CFAP210: variants seen among roughly 807,000 people sequenced by gnomAD.
CFAP210 encodes cilia- and flagella- associated protein 210.
the CFAP210 span, among the ~76,000 whole-genome samples, chr2:169,653,029 AAT>A: frequency 0.041 from 1,618 of 39,856 alleles, 46 homozygotes; most frequent in Middle Eastern, 0.083. Context: ...AAAAAAAAAA[AAT>A]ATATATATAT....
the CFAP210 span, among the ~76,000 whole-genome samples, chr2:169,692,440 GCACGCA>G: frequency 2.2e-5 from 2 of 92,120 alleles, no homozygotes; most frequent in South Asian, 3.8e-4. Flanking sequence ...GGCAACAGGC[GCACGCA>G]CACACACACA....
the CFAP210 span, chr2:169,659,267 TATG>T: frequency 6.6e-6 from 1 of 152,254 alleles, no homozygotes; most frequent in Non-Finnish European, 1.5e-5. Flanking sequence ...CATAGAGTCT[TATG>T]ATACCTACTG....
the CFAP210 span, among the ~76,000 whole-genome samples, chr2:169,686,606 G>A: frequency 6.6e-6 from 1 of 152,172 alleles, no homozygotes; most frequent in Non-Finnish European, 1.5e-5. Flanking sequence ...GGCTGAGGAT[G>A]CTAGCTCAGA....
At chr2:169,692,222 T>G in the CFAP210 span, among the ~76,000 whole-genome samples, 4 of 152,170 alleles carry the variant, frequency 2.6e-5, no homozygotes, top group Admixed American at 2.6e-4. Context: ...CAGCTTGTTG[T>G]TTGCCTCCCA....
the CFAP210 span, chr2:169,648,162 C>CAAAA: frequency 8.8e-5 from 9 of 101,736 alleles, no homozygotes; most frequent in East Asian, 3.4e-4. Flanking sequence ...AACTCTGTCT[C>CAAAA]AAAAAAAAAA....
chr2:169,680,801 A>G, the CFAP210 span, among the ~76,000 whole-genome samples: 13 of 152,216 alleles, frequency 8.5e-5, no homozygotes, highest in African/African-American at 3.1e-4. Flanking sequence ...GGGTTTATAC[A>G]TATGTCAAAA....
the CFAP210 span, among the ~76,000 whole-genome samples, chr2:169,687,678 G>C: frequency 6.6e-6 from 1 of 152,204 alleles, no homozygotes; most frequent in Admixed American, 6.5e-5. Context: ...GGCATTGAGT[G>C]TCTGCGGCTT....
the CFAP210 span, among the ~76,000 whole-genome samples, chr2:169,650,687 A>C: frequency 6.6e-6 from 1 of 152,050 alleles, no homozygotes; most frequent in Non-Finnish European, 1.5e-5. Flanking sequence ...TTTTTTAACT[A>C]TAAAGTAACA....
the CFAP210 span, among the ~76,000 whole-genome samples, chr2:169,679,261 C>T: frequency 4.6e-5 from 7 of 152,136 alleles, no homozygotes; most frequent in South Asian, 4.1e-4. Context: ...AGGCTACATG[C>T]GCAGGTTTGT....
the CFAP210 span, chr2:169,694,395 A>T: frequency 6.8e-7 from 1 of 1,480,788 alleles, no homozygotes; most frequent in South Asian, 1.1e-5. Context: ...TGGAGTTGTT[A>T]CTCGTACCAC....
At chr2:169,656,964 C>CAAAAAA in the CFAP210 span, among the ~76,000 whole-genome samples, 56 of 39,738 alleles carry the variant, frequency 1.4e-3, 1 homozygote, top group East Asian at 2.7e-3. Context: ...GACTCCATCT[C>CAAAAAA]AAAAAAAAAA....
the CFAP210 span, chr2:169,646,281 CTCAT>C: frequency 1.2e-6 from 1 of 819,802 alleles, no homozygotes; most frequent in Non-Finnish European, 2.0e-6. Flanking sequence ...ATTTTCTAAA[CTCAT>C]TGATACTTTA....
the CFAP210 span, among the ~76,000 whole-genome samples, chr2:169,653,633 G>A: frequency 6.6e-6 from 1 of 152,078 alleles, no homozygotes; most frequent in Non-Finnish European, 1.5e-5. Context: ...TAATACTGAT[G>A]ACTGCTCCCT....
the CFAP210 span, among the ~76,000 whole-genome samples, chr2:169,662,620 A>G: frequency 6.6e-6 from 1 of 152,232 alleles, no homozygotes; most frequent in Non-Finnish European, 1.5e-5. Context: ...TGGTTAACCT[A>G]GAATTGGCAA....
At chr2:169,672,023 T>C in the CFAP210 span, among the ~76,000 whole-genome samples, 1 of 152,258 alleles carries the variant, frequency 6.6e-6, no homozygotes, top group Non-Finnish European at 1.5e-5. Flanking sequence ...ATACCAGTGC[T>C]ACTATTCCAT....
the CFAP210 span, among the ~76,000 whole-genome samples, chr2:169,693,504 G>A: frequency 4.6e-5 from 7 of 152,220 alleles, no homozygotes; most frequent in African/African-American, 1.7e-4. Flanking sequence ...GGTGCAGGGG[G>A]CACTATTGCT....
chr2:169,645,627 T>G, the CFAP210 span: 1 of 507,188 alleles, frequency 2.0e-6, no homozygotes, highest in Non-Finnish European at 3.5e-6. Context: ...TGAATGTACA[T>G]TTAAAAAGTA....
the CFAP210 span, among the ~76,000 whole-genome samples, chr2:169,693,594 T>C: frequency 6.6e-6 from 1 of 152,266 alleles, no homozygotes; most frequent in Non-Finnish European, 1.5e-5. Flanking sequence ...TAATTGCTAA[T>C]TTACAGACGT....
chr2:169,689,092 C>G, the CFAP210 span, among the ~76,000 whole-genome samples: 2 of 152,074 alleles, frequency 1.3e-5, no homozygotes, highest in East Asian at 3.9e-4. Flanking sequence ...CCTGATAAAC[C>G]CATTGATCTC....
Sources: gnomAD v4.1 joint callset for allele counts (sites outside exome capture counted in the v4.1 genomes callset) on GRCh38, gnomAD v4.1.1 for gene constraint, MANE v1.5 for transcripts, NCBI Gene and HGNC (gene_info 2026-07-23, HGNC 2026-07-21) for gene names.